Variants in MYCN observed in about 807,000 individuals in gnomAD.
MYCN encodes the protein N-myc proto-oncogene protein.
Under a neutral mutation model 28.1 loss-of-function variants are expected in MYCN, and 3 were observed. That is an observed-to-expected ratio of 0.11 (90% CI 0.05 to 0.28). MYCN has a LOEUF of 0.28. Ranked by LOEUF, MYCN falls within the 10% of genes least tolerant of loss-of-function variation. The pLI is 1.00. For synonymous variants in MYCN, 326 were observed against 288.3 expected (o/e 1.13, Z -1.32); for missense variants, 572 against 651.4 (o/e 0.88, Z 1.33).
At chr2:15,940,903 G>A (rs1436853256) in intron 1 of MYCN, 160 bp downstream of exon 1, 2 of 397,118 alleles carry the variant, frequency 5.0e-6, no homozygotes, top group Non-Finnish European at 8.9e-6. Context: ...GGTTTTCCCA[G>A]AAAAGCCAGT....
chr2:15,943,403 C>CTTTTTTT (rs111360717), intron 2 of MYCN, among the ~76,000 whole-genome samples: 3 of 138,386 alleles, frequency 2.2e-5, no homozygotes, highest in African/African-American at 8.1e-5. Context: ...TTTTCTTTTT[C>CTTTTTTT]TTTTTTTTTT....
chr2:15,945,465 A>G lies in MYCN; in HGVS notation c.791-28A>G, dbSNP rs1156312376. ...TGAATTTCATTCAAATGGTTCTCAC[A>G]TGAGAGTAACTAGCATCTTTCTCTC... On this transcript the variant is annotated intron_variant, in intron 2 of 2. Transcript: ENST00000281043. This position sits in a 1 kb window ranked among gnomAD's most constrained non-coding sequence, Gnocchi z 4.8. The G allele has an allele frequency of 5.7e-6, 9 of 1,575,572 alleles. No individual in the cohort carries two copies. The highest frequency in any genetic ancestry group is 4.6e-5 in the East Asian group (2 of 43,274).
rs1236730996 is a variant in MYCN, at chr2:15,945,316, T to G, written c.791-177T>G. The stretch of plus-strand genomic sequence containing the variant: ...CGTCCGGCCTACAGATATATTTAAT[T>G]TAAAGAGATCTAAAACAAATACAAA... On this transcript the variant is annotated intron_variant, in intron 2 of 2. Coordinates refer to ENST00000281043, the MANE Select transcript of MYCN (RefSeq NM_005378.6). The surrounding 1 kb of genome is among the most constrained non-coding windows in gnomAD (Gnocchi z 4.8). 6.6e-6 allele frequency among the ~76,000 whole-genome samples: 1 copy of G among 152,004 alleles called. No homozygotes were observed. Among genetic ancestry groups the G allele is most frequent in the East Asian group, 1.9e-4 (1 of 5,186 alleles).
rs2103332593 is a variant in MYCN at position 15,946,204 on chromosome 2, C to A, written c.*107C>A. On this transcript the variant is annotated 3_prime_UTR_variant, in exon 3 of 3. Coordinates refer to ENST00000281043, the MANE Select transcript of MYCN (RefSeq NM_005378.6). ...ATGTTGGTTTACTTTCAAATCGGTC[C>A]CCTGTCGAGTTCGGCTCTGGGTGGG... 6.5e-7 allele frequency: 1 copy of A among 1,542,042 alleles called. No individual in the cohort carries two copies. The highest frequency in any genetic ancestry group is 1.2e-5 in the South Asian group (1 of 86,786).
At position 15,945,847 on chromosome 2, in the gene MYCN, G is replaced by A. The variant is rs121913666; in HGVS notation, c.1145G>A (p.Arg382His). 1.9e-6 allele frequency: 3 copies of A among 1,614,044 alleles called. No individual in the cohort carries two copies. Among genetic ancestry groups the A allele is most frequent in the Non-Finnish European group, 2.5e-6 (3 of 1,180,050 alleles). Residue 382 changes from arginine to histidine, a missense_variant, in exon 3 of 3, where the codon CGT becomes CAT. Physicochemically the swap from Arg to His is conservative, Grantham distance 29. Around this residue, in one of 3 missense-constraint regions of MYCN, gnomAD observed 12 missense variants for 45.5 expected, o/e 0.26. Transcript: ENST00000281043. The surrounding 1 kb of genome is among the most constrained non-coding windows in gnomAD (Gnocchi z 4.8). ...PRNSDSEDSE[R>H]RRNHNILERQ... is the part of the protein sequence containing the mutation. ...AACTCTGACTCGGAGGACAGTGAGC[G>A]TCGCAGAAACCACAACATCCTGGAG...
chr2:15,945,755 G>C lies in MYCN; in HGVS notation c.1053G>C (p.Lys351Asn). 6.2e-7 allele frequency: 1 copy of C among 1,614,124 alleles called. No individual in the cohort carries two copies. Among genetic ancestry groups the C allele is most frequent in the East Asian group, 2.2e-5 (1 of 44,880 alleles). Reference sequence around the variant, plus strand: ...ATGCACCCCCACAGAAGAAGATAAAGAGCGAGGCGTCCCCACGTCCGCTCA... The same window carrying C: ...ATGCACCCCCACAGAAGAAGATAAACAGCGAGGCGTCCCCACGTCCGCTCA... ...SEDAPPQKKI[K>N]SEASPRPLKS... Residue 351 changes from lysine to asparagine, a missense_variant, in exon 3 of 3, where the codon AAG (lysine) becomes AAC (asparagine). By Grantham distance (94) the Lys-to-Asn change is moderately conservative (BLOSUM62 0). Coordinates refer to ENST00000281043, the MANE Select transcript of MYCN (RefSeq NM_005378.6). This position sits in a 1 kb window ranked among gnomAD's most constrained non-coding sequence, Gnocchi z 4.8.
Position 15,942,719 on chromosome 2 carries a change from G to T in MYCN, c.655G>T (p.Val219Phe), listed in dbSNP as rs906288244. Residue 219 changes from valine (V) to phenylalanine (F), a missense_variant, in exon 2 of 3, where the codon GTC becomes TTC. Val to Phe is a conservative substitution (Grantham distance 50). This residue lies in a region of MYCN where 499 missense variants were observed against 524.3 expected (regional missense o/e 0.95). Coordinates refer to ENST00000281043, the MANE Select transcript of MYCN (RefSeq NM_005378.6). The surrounding 1 kb of genome is among the most constrained non-coding windows in gnomAD (Gnocchi z 7.0). Reference protein sequence around the residue: ...PASAPAAGPAVASGAGIAAPA... With the variant: ...PASAPAAGPAFASGAGIAAPA... Reference sequence around the variant, plus strand: ...CAGTGCCCCGGCGGCGGGCCCTGCGGTCGCCTCGGGGGCGGGTATTGCCGC... The same window carrying T: ...CAGTGCCCCGGCGGCGGGCCCTGCGTTCGCCTCGGGGGCGGGTATTGCCGC... The T allele has an allele frequency of 2.5e-6, 3 of 1,205,976 alleles. No individual in the cohort carries two copies. The highest frequency in any genetic ancestry group is 3.1e-6 in the Non-Finnish European group (3 of 974,266). The allele number at this position is 1,205,976 out of a possible 1,614,324, so 74.7% of individuals were successfully genotyped here. A position where few individuals can be genotyped will look rare whatever the true frequency, so the allele number is the denominator to read the frequency against.
At position 15,940,578 on chromosome 2, in the gene MYCN, G is replaced by A. The variant is rs966392826; in HGVS notation, c.-283G>A. ...CTGTGACAGTCATCTGTCTGGACGC[G>A]CTGGGTGGATGCGGGGGGCTCCTGG... On this transcript the variant is annotated 5_prime_UTR_variant, in exon 1 of 3. Coordinates refer to ENST00000281043, the MANE Select transcript of MYCN (RefSeq NM_005378.6). 1.5e-5 allele frequency: 6 copies of A among 400,044 alleles called. No individual in the cohort carries two copies. The highest frequency in any genetic ancestry group is 8.8e-5 in the Admixed American group (2 of 22,710). The allele number at this position is 400,044 out of a possible 1,614,324, so 24.8% of individuals were successfully genotyped here.
At position 15,942,262 on chromosome 2, in the gene MYCN, C is replaced by T; in HGVS notation, c.198C>T (p.Gly66=). The T allele has an allele frequency of 6.2e-7, 1 of 1,612,386 alleles. No homozygotes were observed. The highest frequency in any genetic ancestry group is 8.5e-7 in the Non-Finnish European group (1 of 1,179,704). The change falls in exon 2 of 3, where the codon GGC becomes GGT. Residue 66 remains glycine (G), a synonymous_variant. Coordinates refer to ENST00000281043, the MANE Select transcript of MYCN (RefSeq NM_005378.6). This position sits in a 1 kb window ranked among gnomAD's most constrained non-coding sequence, Gnocchi z 7.0. ...CGCCCCCGCTGTCGCCCAGCCGTGGCTTCGCGGAGCACAGCTCCGAGCCCC... is the reference window on the plus strand; with the variant it reads ...CGCCCCCGCTGTCGCCCAGCCGTGGTTTCGCGGAGCACAGCTCCGAGCCCC... ...LPTPPLSPSR[G]FAEHSSEPPS...
Position 15,945,496 on chromosome 2 carries a change from A to G in MYCN, c.794A>G (p.Asp265Gly), listed in dbSNP as rs751108330. The G allele has an allele frequency of 6.2e-6, 10 of 1,605,246 alleles. No homozygotes were observed. The highest frequency in any genetic ancestry group is 2.2e-5 in the East Asian group (1 of 44,722). The change falls in exon 3 of 3, where the codon GAT becomes GGT. Residue 265 changes from aspartate (D) to glycine (G), a missense_variant. Around this residue, in one of 3 missense-constraint regions of MYCN, gnomAD observed 499 missense variants for 524.3 expected, o/e 0.95. Transcript: ENST00000281043. The surrounding 1 kb of genome is among the most constrained non-coding windows in gnomAD (Gnocchi z 4.8). The part of the protein sequence containing the change: ...SGEDTLSDSD[D>G]EDDEEEDEEE... ...GTAACTAGCATCTTTCTCTCAGATG[A>G]TGAAGATGATGAAGAGGAAGATGAA...
rs532583361 is a variant in MYCN, at chr2:15,941,940, G to C, written c.-117-8G>C. 1.7e-5 allele frequency: 21 copies of C among 1,211,808 alleles called. No individual in the cohort carries two copies. The highest frequency in any genetic ancestry group is 2.0e-5 in the Non-Finnish European group (17 of 852,678). 75.1% of individuals were successfully genotyped at this position (1,211,808 alleles called of 1,614,324 possible). ...GCCCACCCTCTCCGGTGTGTCTGTC[G>C]GTTGCAGTGTTGGAGGTCGGCGCCG... is the stretch of plus-strand genomic sequence containing the variant. On this transcript the variant is annotated splice_region_variant and splice_polypyrimidine_tract_variant and intron_variant, in intron 1 of 2. Transcript: ENST00000281043. The surrounding 1 kb of genome is among the most constrained non-coding windows in gnomAD (Gnocchi z 4.8).
At position 15,945,911 on chromosome 2, in the gene MYCN, G is replaced by T; in HGVS notation, c.1209G>T (p.Thr403=). The T allele has an allele frequency of 1.9e-6, 3 of 1,614,108 alleles. No individual in the cohort carries two copies. Among genetic ancestry groups the T allele is most frequent in the Non-Finnish European group, 1.7e-6 (2 of 1,180,032 alleles). ...RRNDLRSSFL[T]LRDHVPELVK... ...ACGACCTTCGGTCCAGCTTTCTCACGCTCAGGGACCACGTGCCGGAGTTGG... is the reference window on the plus strand; with the variant it reads ...ACGACCTTCGGTCCAGCTTTCTCACTCTCAGGGACCACGTGCCGGAGTTGG... The change falls in exon 3 of 3, where the codon ACG becomes ACT. Residue 403 remains threonine (T), a synonymous_variant. Coordinates refer to ENST00000281043, the MANE Select transcript of MYCN (RefSeq NM_005378.6). This position sits in a 1 kb window ranked among gnomAD's most constrained non-coding sequence, Gnocchi z 4.8.
chr2:15,944,316 G>A (rs961489982), intron 2 of MYCN, among the ~76,000 whole-genome samples: 6 of 152,152 alleles, frequency 3.9e-5, no homozygotes, highest in African/African-American at 1.4e-4. Context: ...TAGTCAATGA[G>A]GAGAGAGGGG....
At chr2:15,943,550 G>A (rs1482554360) in intron 2 of MYCN, among the ~76,000 whole-genome samples, 3 of 152,010 alleles carry the variant, frequency 2.0e-5, no homozygotes, top group Admixed American at 6.5e-5. Flanking sequence ...GGGGTGGTGG[G>A]GGCACCCTCC....
In MYCN at chr2:15,942,516, G is replaced by A. The variant is rs2103325045; in HGVS notation, c.452G>A (p.Gly151Glu). The change falls in exon 2 of 3, where the codon GGA becomes GAA. Residue 151 changes from glycine to glutamate, a missense_variant. Around this residue, in one of 3 missense-constraint regions of MYCN, gnomAD observed 499 missense variants for 524.3 expected, o/e 0.95. Transcript: ENST00000281043. The surrounding 1 kb of genome is among the most constrained non-coding windows in gnomAD (Gnocchi z 7.0). The part of the protein sequence containing the change: ...PTAGSTAQSP[G>E]AGAASPAGRG... Reference sequence around the variant, plus strand: ...GCCGGTTCCACCGCCCAGTCCCCGGGAGCCGGCGCCGCCAGCCCTGCGGGT... The same window carrying A: ...GCCGGTTCCACCGCCCAGTCCCCGGAAGCCGGCGCCGCCAGCCCTGCGGGT... 6.9e-7 allele frequency: 1 copy of A among 1,443,648 alleles called. No homozygotes were observed. The allele number at this position is 1,443,648 out of a possible 1,614,324, so 89.4% of individuals were successfully genotyped here. A position where few individuals can be genotyped will look rare whatever the true frequency, so the allele number is the denominator to read the frequency against.
Position 15,945,680 on chromosome 2 carries a change from C to CCACCAGCAG in MYCN, c.982_990dup (p.Gln328_His330dup), listed in dbSNP as rs762439508. 6.2e-7 allele frequency: 1 copy of CCACCAGCAG among 1,614,174 alleles called. No individual in the cohort carries two copies. Among genetic ancestry groups the CCACCAGCAG allele is most frequent in the Non-Finnish European group, 8.5e-7 (1 of 1,180,034 alleles). On this transcript the variant is annotated inframe_insertion, in exon 3 of 3. Transcript: ENST00000281043. The surrounding 1 kb of genome is among the most constrained non-coding windows in gnomAD (Gnocchi z 4.8). ...TGATCCTCAAACGATGCCTTCCCAT[C>CCACCAGCAG]CACCAGCAGCACAACTATGCCGCCC...
rs200236475 is a variant in MYCN at position 15,945,637 on chromosome 2, G to A, written c.935G>A (p.Arg312Lys). The A allele has an allele frequency of 5.0e-6, 8 of 1,614,048 alleles. No individual in the cohort carries two copies. The Admixed American group carries it at 1.3e-4, about 27-fold the overall frequency. Residue 312 changes from arginine (R) to lysine (K), a missense_variant, in exon 3 of 3, where the codon AGG becomes AAG. Physicochemically the swap from Arg to Lys is conservative, Grantham distance 26 (BLOSUM62 2). Transcript: ENST00000281043. The surrounding 1 kb of genome is among the most constrained non-coding windows in gnomAD (Gnocchi z 4.8). The stretch of plus-strand genomic sequence containing the variant: ...AAGAACGCAGCCCTGGGTCCCGGGA[G>A]GGCTCAGTCCAGCGAGCTGATCCTC... Reference protein sequence around the residue: ...RPKNAALGPGRAQSSELILKR... With the variant: ...RPKNAALGPGKAQSSELILKR...
chr2:15,940,989 C>T (rs1326977029), intron 1 of MYCN: 1 of 381,800 alleles, frequency 2.6e-6, no homozygotes, highest in Admixed American at 4.5e-5. Flanking sequence ...GGAGTAATGG[C>T]TTCTGCGAAA....
Position 15,941,856 on chromosome 2 carries a change from G to T in MYCN, c.-117-92G>T. 1 of 618,598 alleles carries T rather than the reference G, an allele frequency of 1.6e-6. No individual in the cohort carries two copies. The highest frequency in any genetic ancestry group is 2.0e-5 in the South Asian group (1 of 51,198). The allele number at this position is 618,598 out of a possible 1,614,324, so 38.3% of individuals were successfully genotyped here. A position where few individuals can be genotyped will look rare whatever the true frequency, so the allele number is the denominator to read the frequency against. ...GGCAGAGTGGGGGGCTTGGAGGGAA[G>T]ATTGGGGAACCTGGTTAGAGGGGGC... is the stretch of plus-strand genomic sequence containing the variant. On this transcript the variant is annotated intron_variant, in intron 1 of 2. Transcript: ENST00000281043. This position sits in a 1 kb window ranked among gnomAD's most constrained non-coding sequence, Gnocchi z 4.8.
Sources: gnomAD v4.1 joint callset for allele counts (sites outside exome capture counted in the v4.1 genomes callset) on GRCh38, gnomAD v4.1.1 for gene constraint, gnomAD v4.1.1 regional missense constraint, Gnocchi (gnomAD v3.1) non-coding constraint, MANE v1.5 for transcripts, NCBI Gene and HGNC (gene_info 2026-07-23, HGNC 2026-07-21) for gene names.